TCF7L2: variants seen among roughly 807,000 people sequenced by gnomAD.
TCF7L2 encodes transcription factor 7 like 2, also known as transcription factor 7-like 2.
TCF7L2 carries 23 observed loss-of-function variants against 77.9 expected under a neutral mutation model. That is an observed-to-expected ratio of 0.30 (90% confidence interval 0.21 to 0.42). The LOEUF (loss-of-function observed/expected upper bound fraction) is 0.42, where lower values mean the gene tolerates loss of function less well. Among genes scored for constraint, TCF7L2 ranks in the 10% least tolerant of loss-of-function variants. The pLI is 1.00. For synonymous variants in TCF7L2, 413 were observed against 340.2 expected (o/e 1.21, Z -2.36); for missense variants, 654 against 793.1 (o/e 0.82, Z 2.11).
Position 112,954,798 on chromosome 10 carries a change from G to A in TCF7L2, c.381+3191G>A, listed in dbSNP as rs189210415. Among the ~76,000 whole-genome samples the A allele has an allele frequency of 7.2e-5, 11 of 152,174 alleles. No homozygotes were observed. In the East Asian group the frequency reaches 2.1e-3, roughly 29 times the overall value. ...TTTCTTTTTAAGGACTTGATTATTC[G>A]AGCCCTTGCATCTTCTCTTATCCAA... is the stretch of plus-strand genomic sequence containing the variant. On this transcript the variant is annotated intron_variant, in intron 3 of 13. Coordinates refer to ENST00000627217, the MANE Select transcript of TCF7L2 (RefSeq NM_001146274.2).
chr10:112,957,559 A>G (rs2033991576), intron 3 of TCF7L2, among the ~76,000 whole-genome samples: 1 of 152,186 alleles, frequency 6.6e-6, no homozygotes, highest in Non-Finnish European at 1.5e-5. Context: ...AGATAAGAAA[A>G]GTATAATACA....
chr10:112,996,204 AAAG>A (rs2043438595), intron 4 of TCF7L2, among the ~76,000 whole-genome samples: 1 of 152,076 alleles, frequency 6.6e-6, no homozygotes, highest in African/African-American at 2.4e-5. Context: ...AAGAATAAGC[AAAG>A]AAGTGAATGT....
chr10:112,990,361 G>A (rs1037042855), intron 4 of TCF7L2, among the ~76,000 whole-genome samples: 4 of 151,962 alleles, frequency 2.6e-5, no homozygotes, highest in Non-Finnish European at 5.9e-5. Context: ...ATACATCCCC[G>A]TCCCGTAAGT....
chr10:113,146,918 G>A (rs1207136353), intron 8 of TCF7L2, among the ~76,000 whole-genome samples: 1 of 152,062 alleles, frequency 6.6e-6, no homozygotes, highest in Admixed American at 6.6e-5. Flanking sequence ...AAACATGTGT[G>A]TGTGTGCTGT....
intron 5 of TCF7L2, among the ~76,000 whole-genome samples, chr10:113,065,499 C>T (rs769383322): frequency 2.6e-5 from 4 of 152,154 alleles, no homozygotes; most frequent in Non-Finnish European, 5.9e-5. Flanking sequence ...TATGTGGCCC[C>T]GGCTGTCTGG....
chr10:113,069,047 G>T (rs1223319134), intron 5 of TCF7L2, among the ~76,000 whole-genome samples: 2 of 151,890 alleles, frequency 1.3e-5, no homozygotes, highest in East Asian at 3.9e-4. Context: ...CTGGGGTCAG[G>T]TGTTTCCTCT....
intron 3 of TCF7L2, among the ~76,000 whole-genome samples, chr10:112,956,061 A>C (rs2033495547): frequency 6.6e-6 from 1 of 151,932 alleles, no homozygotes; most frequent in African/African-American, 2.4e-5. Flanking sequence ...ATCTAAGAGG[A>C]TTTTACATTT....
At chr10:113,061,224 G>A (rs548774030) in intron 5 of TCF7L2, among the ~76,000 whole-genome samples, 3 of 152,206 alleles carry the variant, frequency 2.0e-5, no homozygotes, top group East Asian at 1.9e-4. Context: ...CTGGTTGCCA[G>A]CTGGCATGGT....
At chr10:113,073,146 G>GAGAGAC (rs1555010280) in intron 5 of TCF7L2, among the ~76,000 whole-genome samples, 2 of 150,922 alleles carry the variant, frequency 1.3e-5, no homozygotes, top group Non-Finnish European at 3.0e-5. Flanking sequence ...GAGAGAGAGA[G>GAGAGAC]AGAGACAGAG....
intron 5 of TCF7L2, among the ~76,000 whole-genome samples, chr10:113,122,303 G>A (rs2064936273): frequency 6.6e-6 from 1 of 152,110 alleles, no homozygotes. Context: ...AATTTGAATT[G>A]GAAACCTATT....
intron 4 of TCF7L2, among the ~76,000 whole-genome samples, chr10:112,972,051 C>T (rs2038387729): frequency 6.6e-6 from 1 of 152,050 alleles, no homozygotes; most frequent in Admixed American, 6.6e-5. Flanking sequence ...CTCCCGCTGG[C>T]CGTCATTTTT....
intron 5 of TCF7L2, among the ~76,000 whole-genome samples, chr10:113,091,867 G>C (rs116082180): frequency 0.012 from 1,764 of 152,330 alleles, 33 homozygotes; most frequent in African/African-American, 0.039. Context: ...GCCTGGGTCT[G>C]ATAGAGCAGG....
At chr10:113,036,777 A>G (rs2051350607) in intron 4 of TCF7L2, among the ~76,000 whole-genome samples, 1 of 152,112 alleles carries the variant, frequency 6.6e-6, no homozygotes, top group Admixed American at 6.5e-5. Context: ...AGTTTGTTGA[A>G]AAGTTTAATG....
chr10:112,961,170 C>A (rs192899652), intron 3 of TCF7L2, among the ~76,000 whole-genome samples: 1 of 149,476 alleles, frequency 6.7e-6, no homozygotes, highest in East Asian at 2.0e-4. Context: ...TGCGCCACCA[C>A]GCCCGGCTAA....
Position 113,040,072 on chromosome 10 carries a change from C to A in TCF7L2, c.498C>A (p.Leu166=), listed in dbSNP as rs1402468738. ...TGCTTGATGTCCAGGCAGGGAGCCT[C>A]CAGAGTAGACAAGCCCTCAAGGATG... is the stretch of plus-strand genomic sequence containing the variant. The change falls in exon 5 of 14, where the codon CTC becomes CTA. Residue 166 remains leucine, a synonymous_variant. Transcript: ENST00000627217. 1 of 1,613,992 alleles carries A rather than the reference C, an allele frequency of 6.2e-7. No homozygotes were observed. The highest frequency in any genetic ancestry group is 1.1e-5 in the South Asian group (1 of 91,062).
intron 4 of TCF7L2, among the ~76,000 whole-genome samples, chr10:113,038,901 A>T (rs2134240579): frequency 6.6e-6 from 1 of 152,298 alleles, no homozygotes; most frequent in South Asian, 2.1e-4. Context: ...TTTCTATAGA[A>T]TTAATATTAA....
At chr10:113,163,238 T>C (rs2073477761) in intron 13 of TCF7L2, among the ~76,000 whole-genome samples, 1 of 152,100 alleles carries the variant, frequency 6.6e-6, no homozygotes, top group Admixed American at 6.5e-5. Context: ...ACCAGAATGC[T>C]CCTAGCCAAT....
At position 113,134,304 on chromosome 10, in the gene TCF7L2, T is replaced by C. The variant is rs888279360; in HGVS notation, c.553-6880T>C. On this transcript the variant is annotated intron_variant, in intron 5 of 13. Coordinates refer to ENST00000627217, the MANE Select transcript of TCF7L2 (RefSeq NM_001146274.2). Reference sequence around the variant, plus strand: ...GGGAGGAAGTCATGACTGCTGTTTTTATTCTGTGTATATATAAGAGGTTTG... The same window carrying C: ...GGGAGGAAGTCATGACTGCTGTTTTCATTCTGTGTATATATAAGAGGTTTG... Among the ~76,000 whole-genome samples the C allele has an allele frequency of 2.0e-5, 3 of 152,222 alleles. No homozygotes were observed. In the East Asian group the frequency reaches 5.8e-4, roughly 29 times the overall value.
chr10:113,066,003 C>T (rs2057196424), intron 5 of TCF7L2, among the ~76,000 whole-genome samples: 1 of 152,126 alleles, frequency 6.6e-6, no homozygotes, highest in South Asian at 2.1e-4. Context: ...GTCCATGATT[C>T]AAGGAGCATG....
Sources: gnomAD v4.1 joint callset for allele counts (sites outside exome capture counted in the v4.1 genomes callset) on GRCh38, gnomAD v4.1.1 for gene constraint, MANE v1.5 for transcripts, NCBI Gene and HGNC (gene_info 2026-07-23, HGNC 2026-07-21) for gene names.